The following PRCD variants were observed in gnomAD, a reference collection of about 807,000 sequenced individuals.
PRCD encodes the protein photoreceptor disk component PRCD.
PRCD carries 12 observed loss-of-function variants against 10.1 expected under a neutral mutation model. The observed-to-expected ratio is 1.18, with a 90% CI of 0.76 to 1.92. The LOEUF is 1.92. PRCD is among the 40% of genes most tolerant of loss of function. The pLI, the probability that PRCD is intolerant of heterozygous loss-of-function variation, is 0.00. For missense variants in PRCD, 61 were observed against 72.2 expected (o/e 0.84, Z 0.56); for synonymous variants, 31 against 26.2 (o/e 1.18, Z -0.56).
At chr17:76,529,216 C>A in intron 1 of PRCD, 5 of 985,418 alleles carry the variant, frequency 5.1e-6, no homozygotes, top group Non-Finnish European at 6.0e-6. Flanking sequence ...GGGACCCTGG[C>A]AGCAGGGAGG....
In PRCD at chr17:76,528,028, T is replaced by C. The variant is rs867310897; in HGVS notation, n.45+195T>C. 2.7e-6 allele frequency: 1 copy of C among 367,408 alleles called. No homozygotes were observed. Among genetic ancestry groups the C allele is most frequent in the Non-Finnish European group, 5.3e-6 (1 of 188,558 alleles). 22.8% of individuals were successfully genotyped at this position (367,408 alleles called of 1,614,324 possible). A position where few individuals can be genotyped will look rare whatever the true frequency, so the allele number is the denominator to read the frequency against. On this transcript the variant is annotated intron_variant and non_coding_transcript_variant, in intron 1 of 4. Coordinates refer to the PRCD transcript ENST00000397633. The surrounding 1 kb of genome is among the most constrained non-coding windows in gnomAD (Gnocchi z 5.8). ...CTCTTTGCCAGAACACTCTGTTCTC[T>C]GCACAACCGGAACCCCTCCCTGCCC...
At chr17:76,537,302 A>T, upstream of PRCD, 1 of 1,310,984 alleles carries the variant, frequency 7.6e-7, no homozygotes, top group Non-Finnish European at 9.9e-7. Flanking sequence ...GCGGCTGGGG[A>T]GGTGGCGCTG....
downstream of PRCD, among the ~76,000 whole-genome samples, chr17:76,548,752 C>A (rs2075080134): frequency 6.6e-6 from 1 of 152,238 alleles, no homozygotes; most frequent in African/African-American, 2.4e-5. Context: ...GTCTGGAGTG[C>A]TGTGTGCCAG....
chr17:76,535,821 G>A (rs1176197370), upstream of PRCD, among the ~76,000 whole-genome samples: 1 of 152,222 alleles, frequency 6.6e-6, no homozygotes, highest in African/African-American at 2.4e-5. Context: ...CCATGATGTG[G>A]ACGGTGAGCA....
chr17:76,537,583 G>A (rs1378000667), upstream of PRCD: 6 of 1,241,512 alleles, frequency 4.8e-6, no homozygotes, highest in Non-Finnish European at 6.1e-6. Context: ...CGGCGGCGGC[G>A]GTGGCGGGGC....
chr17:76,544,505 A>G lies in PRCD; in HGVS notation c.*855A>G, dbSNP rs1286428811. ...GTGTGTGCGAAGGCAGTTCTGTGGG[A>G]GCCTCTCAAAGTAGGGCAGGCAGGA... is the stretch of plus-strand genomic sequence containing the variant. On this transcript the variant is annotated 3_prime_UTR_variant, in exon 5 of 5. Transcript: ENST00000592014. 1 of 456,176 alleles carries G rather than the reference A, an allele frequency of 2.2e-6. No homozygotes were observed. Among genetic ancestry groups the G allele is most frequent in the Non-Finnish European group, 4.4e-6 (1 of 226,960 alleles). The allele number at this position is 456,176 out of a possible 1,614,324, so 28.3% of individuals were successfully genotyped here.
intron 1 of PRCD, chr17:76,551,466 C>T (rs1161344169): frequency 6.6e-6 from 1 of 152,306 alleles, no homozygotes; most frequent in East Asian, 1.9e-4. Context: ...CACAGATAAT[C>T]CACAACTCCA....
In PRCD at chr17:76,531,236, C is replaced by T; in HGVS notation, n.45+3403C>T. 7.2e-7 allele frequency: 1 copy of T among 1,388,020 alleles called. No homozygotes were observed. The highest frequency in any genetic ancestry group is 1.4e-5 in the African/African-American group (1 of 69,546). 86.0% of individuals were successfully genotyped at this position (1,388,020 alleles called of 1,614,324 possible). A position where few individuals can be genotyped will look rare whatever the true frequency, so the allele number is the denominator to read the frequency against. The stretch of plus-strand genomic sequence containing the variant: ...CCGCCCCACGTGTGGCCGAGAGGAT[C>T]ATTCCTAACGCAACAGTCTGGCAGC... On this transcript the variant is annotated intron_variant and non_coding_transcript_variant, in intron 1 of 4. Coordinates refer to the PRCD transcript ENST00000397633. The surrounding 1 kb of genome is among the most constrained non-coding windows in gnomAD (Gnocchi z 7.4).
intron 1 of PRCD, chr17:76,529,355 A>G: frequency 1.0e-6 from 1 of 985,348 alleles, no homozygotes; most frequent in Non-Finnish European, 1.2e-6. Flanking sequence ...GCCCATCTCC[A>G]TTCAGTCCAC....
chr17:76,552,442 A>G (rs1232583691), intron 1 of PRCD, among the ~76,000 whole-genome samples: 1 of 151,022 alleles, frequency 6.6e-6, no homozygotes, highest in African/African-American at 2.4e-5. Flanking sequence ...CTCGTGATCC[A>G]CCCTCCTCGG....
At position 76,542,554 on chromosome 17, in the gene PRCD, G is replaced by A. The variant is rs1423097762; in HGVS notation, c.145G>A (p.Glu49Lys). The change falls in exon 3 of 5, where the codon GAG becomes AAG. Residue 49 changes from glutamate (E) to lysine (K), a missense_variant and splice_region_variant. Transcript: ENST00000592014. ...ACCCCAGTGCTTTCCTCTGTTTAGG[G>A]AGAAAGAACCTCTGAAGTAAGCCCT... The part of the protein sequence containing the change: ...LDADPQSSGR[E>K]KEPLK The A allele has an allele frequency of 1.9e-6, 3 of 1,614,062 alleles. No individual in the cohort carries two copies. Among genetic ancestry groups the A allele is most frequent in the Non-Finnish European group, 2.5e-6 (3 of 1,180,032 alleles).
chr17:76,539,474 G>C (rs1598210484), upstream of PRCD, among the ~76,000 whole-genome samples: 1 of 152,162 alleles, frequency 6.6e-6, no homozygotes, highest in African/African-American at 2.4e-5. Flanking sequence ...AGAAAAGTTT[G>C]GAGAGGATTG....
Position 76,540,619 on chromosome 17 carries a change from A to G in PRCD, c.143+46A>G. 4 of 1,587,550 alleles carry G rather than the reference A, an allele frequency of 2.5e-6. No individual in the cohort carries two copies. Among genetic ancestry groups the G allele is most frequent in the Non-Finnish European group, 3.5e-6 (4 of 1,157,802 alleles). ...GGGGGAGGGAGGGTGCTGCCAAGGA[A>G]GCTGTGGCTGTGCATGCCTGGGGGT... On this transcript the variant is annotated intron_variant, in intron 2 of 4. Coordinates refer to ENST00000592014, the MANE Select transcript of PRCD (RefSeq NM_001077620.3). This position sits in a 1 kb window ranked among gnomAD's most constrained non-coding sequence, Gnocchi z 5.0.
chr17:76,542,453 G>T, intron 2 of PRCD, 100 bp from the exon 3 acceptor site: 1 of 1,368,280 alleles, frequency 7.3e-7, no homozygotes, highest in South Asian at 1.2e-5. Flanking sequence ...CCTCAATATT[G>T]GGGTGAATTG....
chr17:76,528,585 C>T lies in PRCD; in HGVS notation n.45+752C>T. ...GGGGTGGAGTTAGGGGTCCTACGGC[C>T]CCGAAGAGGGCAGTGTGGCCGGTGG... On this transcript the variant is annotated intron_variant and non_coding_transcript_variant, in intron 1 of 4. Transcript: ENST00000397633. This position sits in a 1 kb window ranked among gnomAD's most constrained non-coding sequence, Gnocchi z 5.8. The T allele has an allele frequency of 7.8e-7, 1 of 1,287,524 alleles. No homozygotes were observed. Among genetic ancestry groups the T allele is most frequent in the Non-Finnish European group, 9.9e-7 (1 of 1,009,634 alleles). The allele number at this position is 1,287,524 out of a possible 1,614,324, so 79.8% of individuals were successfully genotyped here.
chr17:76,536,281 C>T (rs956389779), upstream of PRCD, among the ~76,000 whole-genome samples: 1 of 152,162 alleles, frequency 6.6e-6, no homozygotes, highest in Non-Finnish European at 1.5e-5. Context: ...CTGGGTCGGT[C>T]CCAGGCTTGG....
chr17:76,543,858 C>T lies in PRCD; in HGVS notation c.*208C>T. On this transcript the variant is annotated 3_prime_UTR_variant, in exon 5 of 5. Transcript: ENST00000592014. ...CTGCTGAAATTATCAATAAGAAATG[C>T]CAGTTGGATCTGTGACATGTCTGCC... 1 of 471,106 alleles carries T rather than the reference C, an allele frequency of 2.1e-6. No individual in the cohort carries two copies. The highest frequency in any genetic ancestry group is 4.4e-6 in the Non-Finnish European group (1 of 227,056). The allele number at this position is 471,106 out of a possible 1,614,324, so 29.2% of individuals were successfully genotyped here. A position where few individuals can be genotyped will look rare whatever the true frequency, so the allele number is the denominator to read the frequency against.
downstream of PRCD, chr17:76,545,769 C>T (rs928397247): frequency 1.3e-5 from 3 of 226,018 alleles, no homozygotes; most frequent in Non-Finnish European, 2.7e-5. Flanking sequence ...GGGTAAGTGT[C>T]CCATATATGT....
chr17:76,537,565 G>A (rs745839805), upstream of PRCD: 19 of 1,318,492 alleles, frequency 1.4e-5, no homozygotes, highest in Non-Finnish European at 1.8e-5. Context: ...GCCCAGCCCG[G>A]CTTTGCTCGG....
Sources: gnomAD v4.1 joint callset for allele counts (sites outside exome capture counted in the v4.1 genomes callset) on GRCh38, gnomAD v4.1.1 for gene constraint, Gnocchi (gnomAD v3.1) non-coding constraint, MANE v1.5 for transcripts, NCBI Gene and HGNC (gene_info 2026-07-23, HGNC 2026-07-21) for gene names.